Variants in CCDC7 observed in about 807,000 individuals in gnomAD.
CCDC7 encodes coiled-coil domain-containing protein 7.
A neutral mutation model predicts 196.9 loss-of-function variants in CCDC7; 183 were observed. The ratio of observed to expected loss-of-function variants is 0.93; its 90% CI spans 0.82 to 1.05. The LOEUF (loss-of-function observed/expected upper bound fraction) is 1.05. Among genes scored for constraint, CCDC7 ranks in the 50% least tolerant of loss-of-function variants. CCDC7 has a pLI of 0.00. For missense variants in CCDC7, 1,540 were observed against 1,482.2 expected, an observed-to-expected ratio of 1.04 and a Z score of -0.64; for synonymous variants, 525 against 484.6, an observed-to-expected ratio of 1.08 and a Z score of -1.10.
At chr10:32,660,542 T>G (rs2071109220) in intron 20 of CCDC7, among the ~76,000 whole-genome samples, 1 of 133,428 alleles carries the variant, frequency 7.5e-6, no homozygotes, top group African/African-American at 2.8e-5. Flanking sequence ...ACATTTGGGT[T>G]GGTTCCAAGT....
At chr10:32,823,592 G>A (rs1022175204) in intron 31 of CCDC7, among the ~76,000 whole-genome samples, 3 of 152,112 alleles carry the variant, frequency 2.0e-5, no homozygotes, top group Admixed American at 6.5e-5. Context: ...CCACTCTGTC[G>A]TTCAGGATCA....
At chr10:32,662,527 T>A (rs1043252675) in intron 20 of CCDC7, among the ~76,000 whole-genome samples, 3 of 152,044 alleles carry the variant, frequency 2.0e-5, no homozygotes, top group African/African-American at 7.3e-5. Context: ...TGTGCCCCCA[T>A]GACTATTAAA....
Position 32,461,691 on chromosome 10 carries a change from A to ATGTG in CCDC7, c.457-976_457-973dup, listed in dbSNP as rs200853278. ...AATTTAAATTTTATTCCTTACATATATGTGTGTGTGTGTGTGTGTATATAT... is the reference window on the plus strand; with the variant it reads ...AATTTAAATTTTATTCCTTACATATATGTGTGTGTGTGTGTGTGTGTGTATATAT... On this transcript the variant is annotated intron_variant, in intron 3 of 41. Coordinates refer to ENST00000639629, the Ensembl canonical transcript of CCDC7. 1.9e-3 allele frequency among the ~76,000 whole-genome samples: 202 copies of ATGTG among 106,190 alleles called. 5 individuals are homozygous for ATGTG. The highest frequency in any genetic ancestry group is 6.0e-3 in the East Asian group (24 of 3,982). The allele number at this position is 106,190 out of a possible 152,430, so 69.7% of individuals were successfully genotyped here. A position where few individuals can be genotyped will look rare whatever the true frequency, so the allele number is the denominator to read the frequency against.
At chr10:32,482,780 A>G (rs2040230614) in intron 8 of CCDC7, among the ~76,000 whole-genome samples, 1 of 152,084 alleles carries the variant, frequency 6.6e-6, no homozygotes, top group African/African-American at 2.4e-5. Context: ...TAGTTTGCTG[A>G]GAATGATGGT....
chr10:32,879,221 G>A (rs1211084450), downstream of CCDC7, among the ~76,000 whole-genome samples: 1 of 152,026 alleles, frequency 6.6e-6, no homozygotes, highest in Non-Finnish European at 1.5e-5. Flanking sequence ...AAATATATAT[G>A]TTTGAAAGAG....
intron 14 of CCDC7, among the ~76,000 whole-genome samples, chr10:32,567,432 A>T (rs1244150152): frequency 6.6e-6 from 1 of 151,768 alleles, no homozygotes; most frequent in Non-Finnish European, 1.5e-5. Flanking sequence ...GCCAGGAAAA[A>T]CTCCTGGGTA....
At chr10:32,805,031 C>T (rs760909769) in exon 30 of CCDC7, 1 of 1,610,290 alleles carries the variant, frequency 6.2e-7, no homozygotes, top group South Asian at 1.1e-5. Flanking sequence ...ATATAGAAAG[C>T]TTGAGAGGTG....
At chr10:32,473,713 AAT>A (rs1314039292) in intron 7 of CCDC7, among the ~76,000 whole-genome samples, 1 of 152,204 alleles carries the variant, frequency 6.6e-6, no homozygotes, top group East Asian at 1.9e-4. Context: ...ACCATCAATG[AAT>A]ATAAGAGAAT....
At chr10:32,878,991 G>C (rs1188296983), downstream of CCDC7, among the ~76,000 whole-genome samples, 2 of 152,094 alleles carry the variant, frequency 1.3e-5, no homozygotes, top group East Asian at 1.9e-4. Context: ...CATTCATGCT[G>C]TTCAGGCCAT....
intron 28 of CCDC7, among the ~76,000 whole-genome samples, chr10:32,756,619 G>T (rs1273970560): frequency 6.6e-6 from 1 of 152,128 alleles, no homozygotes; most frequent in South Asian, 2.1e-4. Context: ...ACATGGAAAG[G>T]AACAACTGGT....
intron 28 of CCDC7, among the ~76,000 whole-genome samples, chr10:32,748,408 A>T (rs1246225692): frequency 6.6e-6 from 1 of 152,224 alleles, no homozygotes; most frequent in Non-Finnish European, 1.5e-5. Context: ...TGTATCCTGC[A>T]ACCTTGCCAT....
chr10:32,573,119 C>G (rs894596511), intron 16 of CCDC7, among the ~76,000 whole-genome samples: 1 of 151,860 alleles, frequency 6.6e-6, no homozygotes, highest in Non-Finnish European at 1.5e-5. Flanking sequence ...CTCAAGTGAT[C>G]CACCCACCTC....
intron 38 of CCDC7, 38 bp downstream of exon 39, chr10:32,847,954 A>G: frequency 7.7e-7 from 1 of 1,305,284 alleles, no homozygotes; most frequent in Non-Finnish European, 1.1e-6. Context: ...TTTACAGTTT[A>G]TCTTCTCTGG....
intron 23 of CCDC7, among the ~76,000 whole-genome samples, chr10:32,691,422 G>A (rs1023969940): frequency 6.6e-5 from 10 of 151,946 alleles, no homozygotes; most frequent in African/African-American, 2.4e-4. Context: ...CCAGGAATGG[G>A]TGCCAAATTA....
chr10:32,702,668 G>A (rs1298936014), intron 24 of CCDC7, among the ~76,000 whole-genome samples: 5 of 152,096 alleles, frequency 3.3e-5, no homozygotes, highest in Admixed American at 3.3e-4. Flanking sequence ...TCTCTTTGTA[G>A]GTCTCTAAGG....
chr10:32,663,515 A>T (rs2071968807), intron 20 of CCDC7, among the ~76,000 whole-genome samples: 3 of 151,956 alleles, frequency 2.0e-5, no homozygotes, highest in Admixed American at 6.6e-5. Flanking sequence ...CTTCTATTTC[A>T]ATTTTTTCTC....
At chr10:32,785,653 A>G (rs1361076315) in intron 29 of CCDC7, among the ~76,000 whole-genome samples, 3 of 152,012 alleles carry the variant, frequency 2.0e-5, no homozygotes, top group Non-Finnish European at 2.9e-5. Context: ...TCAGTGGAAT[A>G]AAAAGTTGAT....
chr10:32,812,508 G>T (rs578214633), intron 30 of CCDC7, among the ~76,000 whole-genome samples: 1 of 152,088 alleles, frequency 6.6e-6, no homozygotes, highest in African/African-American at 2.4e-5. Context: ...TATTTCACTG[G>T]AATTTAGTAT....
chr10:32,543,445 T>C, intron 12 of CCDC7, 60 bp downstream of exon 13: 2 of 1,203,784 alleles, frequency 1.7e-6, no homozygotes, highest in Non-Finnish European at 2.2e-6. Context: ...TTTCTTTTTA[T>C]ACAAACAATT....
Sources: gnomAD v4.1 joint callset for allele counts (sites outside exome capture counted in the v4.1 genomes callset) on GRCh38, gnomAD v4.1.1 for gene constraint, MANE v1.5 for transcripts, NCBI Gene and HGNC (gene_info 2026-07-23, HGNC 2026-07-21) for gene names.